The following PLCD4 variants were observed in gnomAD, a reference collection of about 807,000 sequenced individuals.
The protein encoded by PLCD4 is 1-phosphatidylinositol 4,5-bisphosphate phosphodiesterase delta-4.
PLCD4 carries 63 observed loss-of-function variants against 90.2 expected under a neutral mutation model. The observed-to-expected ratio is 0.70, with a 90% confidence interval of 0.57 to 0.86. The LOEUF (loss-of-function observed/expected upper bound fraction) is 0.86, where lower values mean the gene tolerates loss of function less well. PLCD4 is among the 40% of genes least tolerant of loss of function. The pLI is 0.00. For missense variants in PLCD4, 830 were observed against 956.3 expected, an observed-to-expected ratio of 0.87 and a Z score of 1.74; for synonymous variants, 294 against 356.5, an observed-to-expected ratio of 0.82 and a Z score of 1.97.
intron 6 of PLCD4, among the ~76,000 whole-genome samples, chr2:218,623,889 G>A (rs1269613878): frequency 6.6e-6 from 1 of 152,034 alleles, no homozygotes; most frequent in Non-Finnish European, 1.5e-5. Flanking sequence ...CACCATGTTG[G>A]TCAGGCTGGT....
At chr2:218,619,950 T>C (rs1348995997) in intron 4 of PLCD4, among the ~76,000 whole-genome samples, 1 of 152,154 alleles carries the variant, frequency 6.6e-6, no homozygotes, top group Non-Finnish European at 1.5e-5. Context: ...CGATCTTGGC[T>C]CACTGCAGCC....
chr2:218,629,405 G>T, intron 7 of PLCD4, 114 bp from the exon 8 acceptor site: 1 of 1,238,464 alleles, frequency 8.1e-7, no homozygotes, highest in Non-Finnish European at 1.1e-6. Context: ...GCTTGAAGGG[G>T]TCTGGATGGG....
chr2:218,608,721 T>C (rs1165483481), intron 1 of PLCD4, among the ~76,000 whole-genome samples: 2 of 152,104 alleles, frequency 1.3e-5, no homozygotes, highest in Non-Finnish European at 2.9e-5. Flanking sequence ...TAAAAATAAA[T>C]ATATTATTGA....
chr2:218,634,737 CAG>C lies in PLCD4; in HGVS notation c.1896+108_1896+109del. 2 of 1,313,978 alleles carry C rather than the reference CAG, an allele frequency of 1.5e-6. No individual in the cohort carries two copies. The highest frequency in any genetic ancestry group is 2.1e-6 in the Non-Finnish European group (2 of 951,884). The allele number at this position is 1,313,978 out of a possible 1,614,324, so 81.4% of individuals were successfully genotyped here. A position where few individuals can be genotyped will look rare whatever the true frequency, so the allele number is the denominator to read the frequency against. ...ATGTAGAGGCCGGATAGCCTATTAA[CAG>C]TGTCTAGTTTTAGCTTTTGGAGCCA... On this transcript the variant is annotated intron_variant, in intron 13 of 15. Transcript: ENST00000450993. This position sits in a 1 kb window ranked among gnomAD's most constrained non-coding sequence, Gnocchi z 4.0.
At chr2:218,631,005 A>G (rs1015828715) in intron 9 of PLCD4, among the ~76,000 whole-genome samples, 6 of 152,202 alleles carry the variant, frequency 3.9e-5, no homozygotes, top group Non-Finnish European at 2.9e-5. Context: ...TAGCTCTCTA[A>G]GTTTTAAATC....
At chr2:218,631,566 G>T (rs905844867) in intron 9 of PLCD4, among the ~76,000 whole-genome samples, 15 of 152,148 alleles carry the variant, frequency 9.9e-5, no homozygotes, top group African/African-American at 3.6e-4. Flanking sequence ...GGAGGCTGAG[G>T]CAGGTGGATC....
chr2:218,633,719 T>C lies in PLCD4; in HGVS notation c.1564T>C (p.Ser522Pro). 6.2e-7 allele frequency: 1 copy of C among 1,613,992 alleles called. No homozygotes were observed. The highest frequency in any genetic ancestry group is 8.5e-7 in the Non-Finnish European group (1 of 1,179,888). Reference protein sequence around the residue: ...KEHYHFYEISSFSETKAKRLI... With the variant: ...KEHYHFYEISPFSETKAKRLI... ...GCACTACCACTTCTACGAGATATCA[T>C]CTTTCTCTGAAACCAAGGCCAAGCG... Residue 522 changes from serine (S) to proline (P), a missense_variant, in exon 11 of 16, where the codon TCT (serine) becomes CCT (proline). By Grantham distance (74) the Ser-to-Pro change is moderately conservative. Transcript: ENST00000450993.
intron 1 of PLCD4, among the ~76,000 whole-genome samples, chr2:218,610,707 G>A (rs1185255638): frequency 1.3e-5 from 2 of 151,846 alleles, no homozygotes; most frequent in African/African-American, 4.8e-5. Flanking sequence ...TGAGCTGGTT[G>A]TATGGAGACC....
intron 6 of PLCD4, among the ~76,000 whole-genome samples, chr2:218,626,665 T>C (rs543333047): frequency 1.3e-5 from 2 of 152,224 alleles, no homozygotes; most frequent in South Asian, 2.1e-4. Context: ...CATACTGAGA[T>C]TGGAGGGAGC....
intron 10 of PLCD4, chr2:218,633,154 G>A: frequency 1.9e-6 from 1 of 536,654 alleles, no homozygotes; most frequent in Non-Finnish European, 3.3e-6. Flanking sequence ...TGACTTACAT[G>A]ACCATTTGCA....
intron 3 of PLCD4, among the ~76,000 whole-genome samples, chr2:218,616,726 T>TATACATAC (rs61259761): frequency 0.23 from 28,979 of 128,406 alleles, 3,936 homozygotes; most frequent in Non-Finnish European, 0.29. Flanking sequence ...AAAATACATA[T>TATACATAC]ATACATACAT....
intron 8 of PLCD4, 106 bp from the exon 9 acceptor site, chr2:218,630,544 A>C: frequency 7.8e-7 from 1 of 1,284,170 alleles, no homozygotes; most frequent in Non-Finnish European, 1.1e-6. Context: ...TGATCAGGGT[A>C]CTCATCTGAG....
chr2:218,624,071 A>G (rs1696001513), intron 6 of PLCD4, among the ~76,000 whole-genome samples: 1 of 152,244 alleles, frequency 6.6e-6, no homozygotes, highest in South Asian at 2.1e-4. Flanking sequence ...AGGTTTAGAA[A>G]GATTCAATGA....
In PLCD4 at chr2:218,637,124, C is replaced by G. The variant is rs988118269; in HGVS notation, c.*547C>G. 5 of 323,588 alleles carry G rather than the reference C, an allele frequency of 1.5e-5. No homozygotes were observed. Among genetic ancestry groups the G allele is most frequent in the Non-Finnish European group, 3.0e-5 (5 of 164,246 alleles). The allele number at this position is 323,588 out of a possible 1,614,324, so 20.0% of individuals were successfully genotyped here. On this transcript the variant is annotated 3_prime_UTR_variant, in exon 16 of 16. Coordinates refer to ENST00000450993, the MANE Select transcript of PLCD4 (RefSeq NM_032726.4). The stretch of plus-strand genomic sequence containing the variant: ...ACACTGCACAGCACTCAAAGTCCCC[C>G]ACTGGACTGCTTCCTCCTTAGCCCC...
At chr2:218,630,923 C>A in intron 9 of PLCD4, 121 bp downstream of exon 9, 1 of 1,085,192 alleles carries the variant, frequency 9.2e-7, no homozygotes, top group Non-Finnish European at 1.3e-6. Flanking sequence ...CCATCTTGCT[C>A]TTTAATGTCC....
chr2:218,631,091 T>C (rs1228401281), intron 9 of PLCD4, among the ~76,000 whole-genome samples: 1 of 152,204 alleles, frequency 6.6e-6, no homozygotes, highest in Non-Finnish European at 1.5e-5. Context: ...TTGTGGACTA[T>C]ACAAACAATA....
intron 1 of PLCD4, among the ~76,000 whole-genome samples, chr2:218,608,333 A>G (rs1695181485): frequency 6.6e-6 from 1 of 152,172 alleles, no homozygotes; most frequent in South Asian, 2.1e-4. Flanking sequence ...TGCCAACCCT[A>G]GCCACTCCTG....
At position 218,618,633 on chromosome 2, in the gene PLCD4, G is replaced by A. The variant is rs755082482; in HGVS notation, c.236G>A (p.Arg79His). The change falls in exon 4 of 16, where the codon CGT (arginine) becomes CAT (histidine). Residue 79 changes from arginine to histidine, a missense_variant. Arg to His is a conservative substitution (Grantham distance 29). Coordinates refer to ENST00000450993, the MANE Select transcript of PLCD4 (RefSeq NM_032726.4). ...IRNGHDSELLRSLAEELPLEQ... is the reference protein window; with the variant it reads ...IRNGHDSELLHSLAEELPLEQ... ...AATGGCCATGATTCCGAGTTGCTGCGTAGCCTGGCAGAGGAGCTCCCCCTG... is the reference window on the plus strand; with the variant it reads ...AATGGCCATGATTCCGAGTTGCTGCATAGCCTGGCAGAGGAGCTCCCCCTG... 1.3e-5 allele frequency: 21 copies of A among 1,614,038 alleles called. No individual in the cohort carries two copies. Among genetic ancestry groups the A allele is most frequent in the South Asian group, 5.5e-5 (5 of 91,086 alleles).
Position 218,621,563 on chromosome 2 carries a change from G to A in PLCD4, c.504G>A (p.Val168=). Residue 168 remains valine (V), a synonymous_variant, in exon 5 of 16, where the codon GTG becomes GTA. Transcript: ENST00000450993. ...EVQRLLHLMN[V]EMDQEYAFSL... is the part of the protein sequence containing the mutation. Reference sequence around the variant, plus strand: ...AGCGGTTATTGCACCTAATGAATGTGGAAATGGACCAAGAATATGCCTTCA... The same window carrying A: ...AGCGGTTATTGCACCTAATGAATGTAGAAATGGACCAAGAATATGCCTTCA... The A allele has an allele frequency of 6.2e-7, 1 of 1,613,984 alleles. No homozygotes were observed. Among genetic ancestry groups the A allele is most frequent in the Non-Finnish European group, 8.5e-7 (1 of 1,179,868 alleles).
Sources: gnomAD v4.1 joint callset for allele counts (sites outside exome capture counted in the v4.1 genomes callset) on GRCh38, gnomAD v4.1.1 for gene constraint, Gnocchi (gnomAD v3.1) non-coding constraint, MANE v1.5 for transcripts, NCBI Gene and HGNC (gene_info 2026-07-23, HGNC 2026-07-21) for gene names.